Variants in SEMA3E observed in about 807,000 individuals in gnomAD.
SEMA3E encodes the protein semaphorin 3E.
A neutral mutation model predicts 93.6 loss-of-function variants in SEMA3E; 49 were observed. That is an observed-to-expected ratio of 0.52 (90% CI 0.42 to 0.66). SEMA3E has a LOEUF of 0.66. Among genes scored for constraint, SEMA3E ranks in the 30% least tolerant of loss-of-function variants. The pLI is 0.00. For synonymous variants in SEMA3E, 363 were observed against 330.7 expected (o/e 1.10, Z -1.06); for missense variants, 906 against 964.8 (o/e 0.94, Z 0.81).
At chr7:83,439,958 C>G (rs1789079658) in intron 4 of SEMA3E, among the ~76,000 whole-genome samples, 1 of 152,196 alleles carries the variant, frequency 6.6e-6, no homozygotes, top group Non-Finnish European at 1.5e-5. Flanking sequence ...AGAATAAACA[C>G]AGTATCTAAC....
At chr7:83,458,612 C>T (rs1010755959) in intron 4 of SEMA3E, among the ~76,000 whole-genome samples, 1 of 151,644 alleles carries the variant, frequency 6.6e-6, no homozygotes, top group Non-Finnish European at 1.5e-5. Flanking sequence ...TAACTACTGC[C>T]CATTGCAAGT....
At chr7:83,504,437 A>G (rs1473530372) in intron 1 of SEMA3E, among the ~76,000 whole-genome samples, 1 of 152,182 alleles carries the variant, frequency 6.6e-6, no homozygotes, top group Non-Finnish European at 1.5e-5. Context: ...CCAAAATCTT[A>G]TTTGCTGTTA....
chr7:83,621,400 T>A (rs1343443894), intron 1 of SEMA3E, among the ~76,000 whole-genome samples: 3 of 152,126 alleles, frequency 2.0e-5, no homozygotes, highest in African/African-American at 7.2e-5. Context: ...GAATCAATAT[T>A]GTGAAAATGG....
At chr7:83,386,461 A>T (rs988651531) in intron 15 of SEMA3E, among the ~76,000 whole-genome samples, 3 of 152,098 alleles carry the variant, frequency 2.0e-5, no homozygotes, top group African/African-American at 7.2e-5. Context: ...GATTTCCTCC[A>T]TTCCTAACCC....
Position 83,521,085 on chromosome 7 carries a change from ATT to A in SEMA3E, c.116-30813_116-30812del, listed in dbSNP as rs34057743. On this transcript the variant is annotated intron_variant, in intron 1 of 16. Transcript: ENST00000643230. ...TTCGAGAAGGACCTCAACTTTTAAG[ATT>A]TTTTTTTTTTTTTAGATTCTGTGTA... Among the ~76,000 whole-genome samples the A allele has an allele frequency of 2.3e-4, 33 of 144,886 alleles. 1 individual carries two copies. In the South Asian group the frequency reaches 3.0e-3, roughly 13 times the overall value.
At position 83,411,787 on chromosome 7, in the gene SEMA3E, G is replaced by A. The variant is rs1392956211; in HGVS notation, c.551-3300C>T. ...CATCTAGATAAATCATATTTTCATG[G>A]ATTAAAATAGGAAAACATTTTATAA... On this transcript the variant is annotated intron_variant, in intron 5 of 16. Transcript: ENST00000643230. 2.0e-5 allele frequency among the ~76,000 whole-genome samples: 3 copies of A among 152,126 alleles called. No homozygotes were observed. In the East Asian group the frequency reaches 5.8e-4, roughly 29 times the overall value.
At chr7:83,451,083 G>A (rs908008644) in intron 4 of SEMA3E, among the ~76,000 whole-genome samples, 8 of 152,116 alleles carry the variant, frequency 5.3e-5, no homozygotes, top group Admixed American at 2.0e-4. Context: ...GACATCATAA[G>A]GGGCTCTTCA....
chr7:83,459,460 T>C (rs1348608845), intron 4 of SEMA3E, among the ~76,000 whole-genome samples: 3 of 152,252 alleles, frequency 2.0e-5, no homozygotes, highest in Admixed American at 1.3e-4. Flanking sequence ...TGTATATACA[T>C]ACACACGTAT....
chr7:83,639,680 A>G (rs1209039298), intron 1 of SEMA3E, among the ~76,000 whole-genome samples: 1 of 148,526 alleles, frequency 6.7e-6, no homozygotes, highest in African/African-American at 2.5e-5. Context: ...TTCTACCAAA[A>G]CCATACGAGA....
In SEMA3E at chr7:83,602,498, T is replaced by TG. The variant is rs111696135; in HGVS notation, c.115+45929dup. Among the ~76,000 whole-genome samples the TG allele has an allele frequency of 4.1e-5, 6 of 147,850 alleles. No homozygotes were observed. In the East Asian group the frequency reaches 1.2e-3, roughly 29 times the overall value. On this transcript the variant is annotated intron_variant, in intron 1 of 16. Coordinates refer to ENST00000643230, the MANE Select transcript of SEMA3E (RefSeq NM_012431.3). ...CATTTAGAAGCACTTTTTTTTTTTT[T>TG]GAGACAGTCTTCCTCTGTCGCCAGG...
intron 4 of SEMA3E, among the ~76,000 whole-genome samples, chr7:83,439,637 C>G (rs1191368397): frequency 6.6e-6 from 1 of 152,134 alleles, no homozygotes; most frequent in Non-Finnish European, 1.5e-5. Flanking sequence ...ACAGTCTAAC[C>G]TGTTCTAATC....
At chr7:83,412,916 A>G (rs1788470378) in intron 5 of SEMA3E, among the ~76,000 whole-genome samples, 1 of 152,112 alleles carries the variant, frequency 6.6e-6, no homozygotes, top group African/African-American at 2.4e-5. Flanking sequence ...TAATTTTAAT[A>G]GATTAAAACA....
At chr7:83,473,627 A>C (rs1447520384) in intron 2 of SEMA3E, among the ~76,000 whole-genome samples, 4 of 152,362 alleles carry the variant, frequency 2.6e-5, no homozygotes, top group Admixed American at 1.3e-4. Flanking sequence ...TTCCCTAAAA[A>C]TATGATGAAA....
intron 1 of SEMA3E, among the ~76,000 whole-genome samples, chr7:83,623,528 C>G (rs1281531020): frequency 6.6e-6 from 1 of 151,658 alleles, no homozygotes; most frequent in African/African-American, 2.4e-5. Context: ...TGATTTTAGG[C>G]ACTTTTTGTA....
At position 83,421,584 on chromosome 7, in the gene SEMA3E, T is replaced by G. The variant is rs1401692139; in HGVS notation, c.457-3101A>C. ...ATAGAACATCATGATATTGCTCAAT[T>G]TGGCAACTATGTACAACCCTGCTCA... On this transcript the variant is annotated intron_variant, in intron 4 of 16. Coordinates refer to ENST00000643230, the MANE Select transcript of SEMA3E (RefSeq NM_012431.3). Among the ~76,000 whole-genome samples, 2 of 142,358 alleles carry G rather than the reference T, an allele frequency of 1.4e-5. 1 individual carries two copies. Among genetic ancestry groups the G allele is most frequent in the Admixed American group, 1.4e-4 (2 of 14,396 alleles). 93.4% of individuals were successfully genotyped at this position (142,358 alleles called of 152,430 possible). A position where few individuals can be genotyped will look rare whatever the true frequency, so the allele number is the denominator to read the frequency against.
intron 1 of SEMA3E, among the ~76,000 whole-genome samples, chr7:83,590,596 G>A (rs903288739): frequency 3.9e-5 from 6 of 152,250 alleles, no homozygotes; most frequent in East Asian, 3.9e-4. Flanking sequence ...CATATGTGAT[G>A]TAATTCTGCC....
chr7:83,623,647 T>A (rs1352325590), intron 1 of SEMA3E, among the ~76,000 whole-genome samples: 1 of 152,162 alleles, frequency 6.6e-6, no homozygotes, highest in Non-Finnish European at 1.5e-5. Flanking sequence ...TAACATGAAT[T>A]TAGGTTTAGA....
intron 4 of SEMA3E, among the ~76,000 whole-genome samples, chr7:83,455,405 C>A (rs896563181): frequency 1.3e-5 from 2 of 152,314 alleles, no homozygotes; most frequent in East Asian, 1.9e-4. Flanking sequence ...AGAACAGCTT[C>A]ATTTCTCATC....
At chr7:83,377,489 G>A (rs781153907) in intron 16 of SEMA3E, among the ~76,000 whole-genome samples, 9 of 151,974 alleles carry the variant, frequency 5.9e-5, no homozygotes, top group Non-Finnish European at 1.0e-4. Context: ...GTAAACAAAT[G>A]GGTGTGGCAG....
Sources: allele counts gnomAD v4.1 joint callset (sites outside exome capture counted in the v4.1 genomes callset), GRCh38; gene constraint gnomAD v4.1.1; transcripts MANE v1.5; gene names NCBI Gene and HGNC (gene_info 2026-07-23, HGNC 2026-07-21).